Variants in GNL3 observed in about 807,000 individuals in gnomAD.
GNL3 encodes guanine nucleotide-binding protein-like 3.
Under a neutral mutation model 70.6 loss-of-function variants are expected in GNL3, and 77 were observed. The observed-to-expected ratio is 1.09, with a 90% CI of 0.91 to 1.32. GNL3 has a LOEUF of 1.32. Ranked by LOEUF, GNL3 falls within the 40% of genes most tolerant of loss-of-function variation. GNL3 has a pLI of 0.00. For synonymous variants in GNL3, 252 were observed against 216.1 expected (o/e 1.17, Z -1.46); for missense variants, 634 against 644.0 (o/e 0.98, Z 0.17).
intron 6 of GNL3, among the ~76,000 whole-genome samples, chr3:52,690,307 G>A (rs1057349647): frequency 3.3e-5 from 5 of 152,060 alleles, no homozygotes; most frequent in Admixed American, 2.6e-4. Flanking sequence ...GTGTCACCCA[G>A]GCTGGAGTGC....
chr3:52,690,257 A>C (rs2097325968), intron 6 of GNL3, among the ~76,000 whole-genome samples: 1 of 152,076 alleles, frequency 6.6e-6, no homozygotes, highest in African/African-American at 2.4e-5. Context: ...ATTGGAGCAA[A>C]TGTCTTTTTC....
At chr3:52,688,075 C>G (rs199675710) in intron 4 of GNL3, 34 bp from the exon 5 acceptor site, 15 of 1,256,800 alleles carry the variant, frequency 1.2e-5, no homozygotes, top group Non-Finnish European at 1.6e-5. Flanking sequence ...TGCTCTACTT[C>G]TAATTTTGTG....
intron 7 of GNL3, 117 bp from the exon 8 acceptor site, chr3:52,690,828 A>G: frequency 3.4e-6 from 4 of 1,192,808 alleles, no homozygotes; most frequent in Non-Finnish European, 4.9e-6. Flanking sequence ...TCAGCCAGAG[A>G]TCATCTGAAA....
At position 52,693,240 on chromosome 3, in the gene GNL3, T is replaced by C. The variant is rs1474252620; in HGVS notation, c.1098T>C (p.Thr366=). ...PGYRNSLEFF[T]VLAQRRGMHQ... is the part of the protein sequence containing the mutation. ...ACAGGAATTCTCTGGAATTTTTTAC[T>C]GTGCTTGCTCAGAGAAGAGGTATGC... is the stretch of plus-strand genomic sequence containing the variant. Residue 366 remains threonine, a synonymous_variant, in exon 11 of 15, where the codon ACT becomes ACC. Transcript: ENST00000418458. The C allele has an allele frequency of 6.2e-7, 1 of 1,613,962 alleles. No homozygotes were observed. Among genetic ancestry groups the C allele is most frequent in the Admixed American group, 1.7e-5 (1 of 59,996 alleles).
chr3:52,692,911 C>T lies in GNL3; in HGVS notation c.909C>T (p.Ile303=). Residue 303 remains isoleucine (I), a synonymous_variant, in exon 10 of 15, where the codon ATC becomes ATT. Transcript: ENST00000418458. The part of the protein sequence containing the change: ...QVVPLDKQIT[I]IDSPSFIVSP... ...TCCCCTTGGACAAACAGATCACAATCATAGATAGTCCGAGCTTCATCGTAT... is the reference window on the plus strand; with the variant it reads ...TCCCCTTGGACAAACAGATCACAATTATAGATAGTCCGAGCTTCATCGTAT... 6.2e-7 allele frequency: 1 copy of T among 1,613,382 alleles called. No homozygotes were observed. Among genetic ancestry groups the T allele is most frequent in the Non-Finnish European group, 8.5e-7 (1 of 1,179,380 alleles).
At chr3:52,692,381 T>TTTTTTTTTTTTTTTG (rs1482760793) in intron 9 of GNL3, among the ~76,000 whole-genome samples, 3 of 150,868 alleles carry the variant, frequency 2.0e-5, no homozygotes, top group African/African-American at 7.3e-5. Flanking sequence ...TTTTTTTTTT[T>TTTTTTTTTTTTTTTG]GGGAGATGGA....
At position 52,693,487 on chromosome 3, in the gene GNL3, A is replaced by C; in HGVS notation, c.1267A>C (p.Met423Leu). 5 of 1,614,180 alleles carry C rather than the reference A, an allele frequency of 3.1e-6. No individual in the cohort carries two copies. Among genetic ancestry groups the C allele is most frequent in the African/African-American group, 1.3e-5 (1 of 75,054 alleles). The part of the protein sequence containing the change: ...PYFNESIVVD[M>L]KSGFNLEELE... ...TTTTAATGAGAGTATTGTGGTAGAC[A>C]TGAAAAGCGGCTTCAATCTGGAAGA... is the stretch of plus-strand genomic sequence containing the variant. Residue 423 changes from methionine (M) to leucine (L), a missense_variant, in exon 12 of 15, where the codon ATG (methionine) becomes CTG (leucine). Transcript: ENST00000418458.
chr3:52,691,310 A>C, intron 8 of GNL3: 2 of 604,316 alleles, frequency 3.3e-6, no homozygotes, highest in South Asian at 4.2e-5. Flanking sequence ...TACTGTAGGA[A>C]GCTGGTTTCT....
chr3:52,693,682 C>G lies in GNL3; in HGVS notation c.1375C>G (p.Leu459Val). The G allele has an allele frequency of 6.2e-7, 1 of 1,613,990 alleles. No individual in the cohort carries two copies. The change falls in exon 13 of 15, where the codon CTG becomes GTG. Residue 459 changes from leucine (L) to valine (V), a missense_variant. Physicochemically the swap from Leu to Val is conservative, Grantham distance 32. Coordinates refer to ENST00000418458, the MANE Select transcript of GNL3 (RefSeq NM_014366.5). ...ANSILFQSSG[L>V]TNGIIEEKDI... Reference sequence around the variant, plus strand: ...TAGCATCCTTTTCCAGTCTTCCGGTCTGACAAATGGAATAATAGAAGAAAA... The same window carrying G: ...TAGCATCCTTTTCCAGTCTTCCGGTGTGACAAATGGAATAATAGAAGAAAA...
At chr3:52,686,254 C>T (rs1370889129) in intron 1 of GNL3, 149 bp downstream of exon 1, 19 of 797,636 alleles carry the variant, frequency 2.4e-5, no homozygotes, top group Non-Finnish European at 2.7e-5. Context: ...CCTGGTAGAA[C>T]CGAGAGTTGG....
chr3:52,692,853 T>A lies in GNL3; in HGVS notation c.870-19T>A, dbSNP rs771878470. On this transcript the variant is annotated intron_variant, in intron 9 of 14. Transcript: ENST00000418458. ...CAAATAGACCAATGCCCCCATCAAT[T>A]CCATCGCTCTTCTTTCAGGAGCATG... is the stretch of plus-strand genomic sequence containing the variant. The A allele has an allele frequency of 1.2e-6, 2 of 1,601,078 alleles. No homozygotes were observed. The highest frequency in any genetic ancestry group is 2.2e-5 in the South Asian group (2 of 90,854).
chr3:52,686,946 C>A, intron 2 of GNL3, 119 bp downstream of exon 2: 1 of 733,096 alleles, frequency 1.4e-6, no homozygotes, highest in Non-Finnish European at 2.4e-6. Context: ...ATTGGATAGA[C>A]TGACCATGGG....
intron 1 of GNL3, chr3:52,686,462 C>T (rs533136180): frequency 3.5e-6 from 2 of 569,514 alleles, no homozygotes; most frequent in African/African-American, 1.9e-5. Context: ...CTCAGTGTTC[C>T]TCTCCTGCCT....
In GNL3 at chr3:52,692,707, A is replaced by C. The variant is rs138724597; in HGVS notation, c.870-165A>C. 9.2e-6 allele frequency: 7 copies of C among 764,044 alleles called. No homozygotes were observed. In the East Asian group the frequency reaches 1.7e-4, roughly 19 times the overall value. The allele number at this position is 764,044 out of a possible 1,614,324, so 47.3% of individuals were successfully genotyped here. A position where few individuals can be genotyped will look rare whatever the true frequency, so the allele number is the denominator to read the frequency against. ...TAACATGTAGTGTTCTCTTTAGAAC[A>C]GTCGGGTATGCTGTTACAGTTTTAG... is the stretch of plus-strand genomic sequence containing the variant. On this transcript the variant is annotated intron_variant, in intron 9 of 14. Coordinates refer to ENST00000418458, the MANE Select transcript of GNL3 (RefSeq NM_014366.5).
At chr3:52,690,561 C>A (rs1233251434) in intron 6 of GNL3, 31 bp from the exon 7 acceptor site, 15 of 1,312,874 alleles carry the variant, frequency 1.1e-5, no homozygotes, top group Non-Finnish European at 1.5e-5. Flanking sequence ...CCGTGCCTGG[C>A]CGCAAATGTC....
chr3:52,690,762 G>C (rs2097326487), intron 7 of GNL3, 58 bp downstream of exon 7: 1 of 1,180,308 alleles, frequency 8.5e-7, no homozygotes, highest in African/African-American at 1.5e-5. Context: ...GAAATATGAT[G>C]AGTGTACAAA....
chr3:52,688,319 A>C (rs3774349), intron 5 of GNL3, 127 bp downstream of exon 5: 309,948 of 623,828 alleles, frequency 0.5, 79,007 homozygotes, highest in Admixed American at 0.61. Flanking sequence ...CTTGCGTCAT[A>C]GGGGTTTGCT....
intron 8 of GNL3, 45 bp downstream of exon 8, chr3:52,691,116 G>C: frequency 1.3e-6 from 2 of 1,571,546 alleles, no homozygotes; most frequent in Non-Finnish European, 1.8e-6. Context: ...TGTTGAAATA[G>C]TTAAGAAGTT....
intron 6 of GNL3, among the ~76,000 whole-genome samples, chr3:52,690,271 TTTTC>T: frequency 6.6e-6 from 1 of 152,214 alleles, no homozygotes; most frequent in Middle Eastern, 3.4e-3. Context: ...CTTTTTCTTT[TTTTC>T]TTTTTGAGAT....
Sources: allele counts gnomAD v4.1 joint callset (sites outside exome capture counted in the v4.1 genomes callset), GRCh38; gene constraint gnomAD v4.1.1; transcripts MANE v1.5; gene names NCBI Gene and HGNC (gene_info 2026-07-23, HGNC 2026-07-21).